Variants in NAALADL2 observed in about 807,000 individuals in gnomAD.
NAALADL2 encodes N-acetylated alpha-linked acidic dipeptidase like 2, also known as inactive N-acetylated-alpha-linked acidic dipeptidase-like protein 2.
Under a neutral mutation model 87.2 loss-of-function variants are expected in NAALADL2, and 76 were observed. The ratio of observed to expected loss-of-function variants is 0.87; its 90% CI spans 0.72 to 1.05. NAALADL2 has a LOEUF of 1.05. Among genes scored for constraint, NAALADL2 ranks in the 50% least tolerant of loss-of-function variants. The pLI is 0.00. For missense variants in NAALADL2, 1,089 were observed against 945.8 expected (o/e 1.15, Z -1.99); for synonymous variants, 354 against 331.0 (o/e 1.07, Z -0.75).
At position 174,489,857 on chromosome 3, in the gene NAALADL2, C is replaced by T. The variant is rs532274353; in HGVS notation, c.-184+48825C>T. On this transcript the variant is annotated intron_variant, in intron 1 of 3. Transcript: ENST00000434257. ...GGGAATCCTTATATGTAGCAAGTATCGTACCCTTATATGTAACCCTTATAA... is the reference window on the plus strand; with the variant it reads ...GGGAATCCTTATATGTAGCAAGTATTGTACCCTTATATGTAACCCTTATAA... Among the ~76,000 whole-genome samples the T allele has an allele frequency of 5.3e-5, 8 of 152,030 alleles. No homozygotes were observed. In the South Asian group the frequency reaches 6.2e-4, roughly 12 times the overall value.
chr3:175,005,790 A>G (rs1034138377), intron 1 of NAALADL2, among the ~76,000 whole-genome samples: 1 of 152,130 alleles, frequency 6.6e-6, no homozygotes, highest in African/African-American at 2.4e-5. Flanking sequence ...ACTTTGTTTT[A>G]TTTTAGATTT....
chr3:175,200,744 A>G (rs1051387400), intron 2 of NAALADL2, among the ~76,000 whole-genome samples: 9 of 152,024 alleles, frequency 5.9e-5, no homozygotes, highest in African/African-American at 2.2e-4. Flanking sequence ...TTCCTTACCC[A>G]AGTTACTAAA....
intron 2 of NAALADL2, among the ~76,000 whole-genome samples, chr3:174,678,274 A>T (rs1295479918): frequency 6.6e-6 from 1 of 152,154 alleles, no homozygotes. Flanking sequence ...CTAACCAGCT[A>T]TTAGGTGATG....
chr3:175,681,182 G>C (rs1735545779), intron 11 of NAALADL2, among the ~76,000 whole-genome samples: 1 of 151,996 alleles, frequency 6.6e-6, no homozygotes, highest in South Asian at 2.1e-4. Context: ...TTCTCTATTT[G>C]TATCATCTAC....
intron 1 of NAALADL2, among the ~76,000 whole-genome samples, chr3:174,516,031 C>T (rs950476918): frequency 6.6e-6 from 1 of 151,872 alleles, no homozygotes; most frequent in Non-Finnish European, 1.5e-5. Flanking sequence ...TACCAGAATG[C>T]CATAAAGTAT....
intron 9 of NAALADL2, among the ~76,000 whole-genome samples, chr3:175,563,443 A>C (rs1378241618): frequency 2.0e-5 from 3 of 152,192 alleles, no homozygotes; most frequent in Non-Finnish European, 4.4e-5. Context: ...AAACTACCTG[A>C]GGTCAACTTC....
chr3:175,560,437 T>G (rs1458809334), intron 9 of NAALADL2, among the ~76,000 whole-genome samples: 1 of 152,184 alleles, frequency 6.6e-6, no homozygotes, highest in African/African-American at 2.4e-5. Flanking sequence ...TCAATTTTGT[T>G]TTCAATATTG....
intron 3 of NAALADL2, among the ~76,000 whole-genome samples, chr3:174,762,771 C>G (rs1477302165): frequency 6.6e-6 from 1 of 151,994 alleles, no homozygotes; most frequent in African/African-American, 2.4e-5. Context: ...GATGGGTATA[C>G]TCATGAAATA....
At chr3:175,554,606 C>A (rs149125011) in intron 9 of NAALADL2, among the ~76,000 whole-genome samples, 3 of 152,032 alleles carry the variant, frequency 2.0e-5, no homozygotes, top group African/African-American at 7.2e-5. Flanking sequence ...GAAATAGGGT[C>A]ATTGGGTCAA....
At chr3:175,239,382 A>G (rs1361282019) in intron 3 of NAALADL2, among the ~76,000 whole-genome samples, 3 of 152,220 alleles carry the variant, frequency 2.0e-5, no homozygotes. Context: ...GAAAATGTCT[A>G]GTCAATTTTA....
chr3:175,514,223 T>C (rs1731543164), intron 9 of NAALADL2, among the ~76,000 whole-genome samples: 1 of 152,212 alleles, frequency 6.6e-6, no homozygotes, highest in African/African-American at 2.4e-5. Context: ...TTTTCTCTCA[T>C]ACTTTTCTTA....
chr3:174,627,602 G>A (rs542473683), intron 2 of NAALADL2, among the ~76,000 whole-genome samples: 1 of 152,222 alleles, frequency 6.6e-6, no homozygotes, highest in East Asian at 1.9e-4. Context: ...TTTATCCAAA[G>A]GAAAAGAAAT....
intron 4 of NAALADL2, among the ~76,000 whole-genome samples, chr3:175,308,686 G>A (rs1168100864): frequency 6.6e-6 from 1 of 152,130 alleles, no homozygotes; most frequent in East Asian, 1.9e-4. Flanking sequence ...AGATGGAATA[G>A]GGATGCCTTT....
chr3:175,436,083 G>A (rs1718613637), intron 5 of NAALADL2, among the ~76,000 whole-genome samples: 2 of 141,672 alleles, frequency 1.4e-5, no homozygotes, highest in South Asian at 4.6e-4. Flanking sequence ...TCCCACCTAT[G>A]AGTGAGAATA....
intron 2 of NAALADL2, among the ~76,000 whole-genome samples, chr3:175,162,069 G>C (rs114098863): frequency 2.8e-3 from 430 of 152,218 alleles, no homozygotes; most frequent in African/African-American, 9.7e-3. Flanking sequence ...AGGACTGTTA[G>C]ATTTTGCTGC....
intron 2 of NAALADL2, among the ~76,000 whole-genome samples, chr3:174,655,817 A>G (rs534209213): frequency 1.4e-3 from 215 of 151,442 alleles, no homozygotes; most frequent in Non-Finnish European, 2.5e-3. Flanking sequence ...ACCTTACTTT[A>G]TCAGTTTTAA....
chr3:175,072,701 G>C (rs1715878402), intron 1 of NAALADL2, among the ~76,000 whole-genome samples: 1 of 96,876 alleles, frequency 1.0e-5, no homozygotes, highest in Non-Finnish European at 1.9e-5. Context: ...GGTGGGGGGA[G>C]GGGGGAGGGA....
chr3:175,613,017 G>A (rs1254995656), intron 10 of NAALADL2, among the ~76,000 whole-genome samples: 8 of 152,016 alleles, frequency 5.3e-5, no homozygotes, highest in Non-Finnish European at 1.0e-4. Flanking sequence ...TAGCAGAGTT[G>A]GTAAACAGCT....
At chr3:175,299,251 G>C (rs1298943619) in intron 4 of NAALADL2, among the ~76,000 whole-genome samples, 2 of 151,862 alleles carry the variant, frequency 1.3e-5, no homozygotes, top group Non-Finnish European at 1.5e-5. Context: ...TGGCTATATG[G>C]GCTCTTATTT....
Sources: allele counts gnomAD v4.1 joint callset (sites outside exome capture counted in the v4.1 genomes callset), GRCh38; gene constraint gnomAD v4.1.1; transcripts MANE v1.5; gene names NCBI Gene and HGNC (gene_info 2026-07-23, HGNC 2026-07-21).